The following CUX1 variants were observed in gnomAD, a reference collection of about 807,000 sequenced individuals.
CUX1 encodes the protein protein CASP.
CUX1 carries 31 observed loss-of-function variants against 158.8 expected under a neutral mutation model. The observed-to-expected ratio is 0.20, with a 90% CI of 0.15 to 0.26. The LOEUF (loss-of-function observed/expected upper bound fraction) is 0.26, where lower values mean the gene tolerates loss of function less well. Among genes scored for constraint, CUX1 ranks in the 10% least tolerant of loss-of-function variants. CUX1 has a pLI of 1.00. For synonymous variants in CUX1, 879 were observed against 862.1 expected, an observed-to-expected ratio of 1.02 and a Z score of -0.34; for missense variants, 1,589 against 2,014.6, an observed-to-expected ratio of 0.79 and a Z score of 4.04.
intron 15 of CUX1, among the ~76,000 whole-genome samples, chr7:102,197,794 G>A (rs567962964): frequency 6.6e-6 from 1 of 152,266 alleles, no homozygotes; most frequent in East Asian, 1.9e-4. Context: ...AGAAGAGGGC[G>A]TGTCCCATGG....
At chr7:101,921,185 A>G (rs1804871524) in intron 2 of CUX1, among the ~76,000 whole-genome samples, 1 of 151,992 alleles carries the variant, frequency 6.6e-6, no homozygotes, top group African/African-American at 2.4e-5. Context: ...TGGGGCAGAT[A>G]CCTCCCAAAG....
chr7:102,115,566 T>C (rs908588536), intron 8 of CUX1: 11 of 312,374 alleles, frequency 3.5e-5, no homozygotes, highest in Non-Finnish European at 5.2e-5. Context: ...TTGTGTGGAG[T>C]TGAGTCTGGG....
intron 8 of CUX1, among the ~76,000 whole-genome samples, chr7:102,125,023 C>G (rs1044024940): frequency 1.3e-5 from 2 of 152,180 alleles, no homozygotes; most frequent in African/African-American, 4.8e-5. Context: ...CTCAGGTGAT[C>G]TGCCCACCTC....
chr7:102,128,399 C>T (rs1203988600), intron 8 of CUX1, among the ~76,000 whole-genome samples: 6 of 151,968 alleles, frequency 3.9e-5, no homozygotes, highest in Non-Finnish European at 7.4e-5. Flanking sequence ...CCGGATTGGG[C>T]CGGGTGCCAG....
Position 102,246,669 on chromosome 7 carries a change from A to G in CUX1, c.3888-1743A>G, listed in dbSNP as rs1236133510. 5.9e-5 allele frequency among the ~76,000 whole-genome samples: 9 copies of G among 152,058 alleles called. No individual in the cohort carries two copies. In the East Asian group the frequency reaches 1.7e-3, roughly 30 times the overall value. On this transcript the variant is annotated intron_variant, in intron 23 of 23. Transcript: ENST00000292535. Reference sequence around the variant, plus strand: ...ACTGTAACCTCCACCTCCCAGGTTCAAGAGATTCTCCTGCCTCAGCCTCCT... The same window carrying G: ...ACTGTAACCTCCACCTCCCAGGTTCGAGAGATTCTCCTGCCTCAGCCTCCT...
intron 3 of CUX1, among the ~76,000 whole-genome samples, chr7:102,031,833 T>C (rs1437558187): frequency 1.3e-5 from 2 of 152,076 alleles, no homozygotes; most frequent in Non-Finnish European, 2.9e-5. Flanking sequence ...ATATTGCAAT[T>C]ATATTTACTA....
Position 102,250,445 on chromosome 7 carries a change from C to T in CUX1, c.*1403C>T, listed in dbSNP as rs1351241770. The stretch of plus-strand genomic sequence containing the variant: ...AGACACTCCCCAGGCCTGGGCAGGG[C>T]TTACACGCGCACTCTCTCTCTTCTT... On this transcript the variant is annotated 3_prime_UTR_variant, in exon 24 of 24. Coordinates refer to ENST00000292535, the MANE Select transcript of CUX1 (RefSeq NM_181552.4). 1 of 985,388 alleles carries T rather than the reference C, an allele frequency of 1.0e-6. No individual in the cohort carries two copies. Among genetic ancestry groups the T allele is most frequent in the Non-Finnish European group, 1.2e-6 (1 of 829,978 alleles). 61.0% of individuals were successfully genotyped at this position (985,388 alleles called of 1,614,324 possible).
At chr7:102,040,006 C>T (rs556134728) in intron 3 of CUX1, among the ~76,000 whole-genome samples, 14 of 152,236 alleles carry the variant, frequency 9.2e-5, no homozygotes, top group African/African-American at 2.9e-4. Flanking sequence ...GACGTGCTCT[C>T]GGAGGCTGGG....
chr7:102,269,118 T>TTTTGTTTGTTTG (rs71123029), intron 14 of CUX1, among the ~76,000 whole-genome samples: 1 of 147,892 alleles, frequency 6.8e-6, no homozygotes, highest in African/African-American at 2.5e-5. Flanking sequence ...GTGTGGGTTT[T>TTTTGTTTGTTTG]TTTGTTTGTT....
Position 102,082,547 on chromosome 7 carries a change from G to T in CUX1, c.268+12130G>T, listed in dbSNP as rs1446595970. Among the ~76,000 whole-genome samples, 9 of 147,022 alleles carry T rather than the reference G, an allele frequency of 6.1e-5. 2 individuals carry two copies. The highest frequency in any genetic ancestry group is 4.1e-4 in the Admixed American group (6 of 14,564). ...AAATACATACATAAACACATACAAT[G>T]AAATGCGCTCATTTCAAGTGTGCAG... On this transcript the variant is annotated intron_variant, in intron 4 of 23. Transcript: ENST00000292535.
intron 23 of CUX1, among the ~76,000 whole-genome samples, chr7:102,243,448 G>A (rs1188760205): frequency 3.3e-5 from 5 of 152,002 alleles, no homozygotes; most frequent in African/African-American, 1.2e-4. Flanking sequence ...AAATGAGCAG[G>A]CTCTTGAAAG....
At chr7:102,258,552 G>A (rs1430035844), downstream of CUX1, among the ~76,000 whole-genome samples, 1 of 152,162 alleles carries the variant, frequency 6.6e-6, no homozygotes, top group Non-Finnish European at 1.5e-5. Context: ...CCTCCCTGGC[G>A]TCCGCTTCCT....
intron 2 of CUX1, among the ~76,000 whole-genome samples, chr7:101,965,889 T>G (rs1269255474): frequency 1.4e-5 from 2 of 147,972 alleles, no homozygotes; most frequent in East Asian, 2.0e-4. Context: ...ACTTGGAGAT[T>G]GAAAGAGGTT....
upstream of CUX1, chr7:101,817,236 C>T: frequency 1.0e-6 from 1 of 984,740 alleles, no homozygotes; most frequent in East Asian, 1.2e-4. The surrounding 1 kb of genome is among the most constrained non-coding windows in gnomAD (Gnocchi z 4.1). Context: ...GTCCGAGCCG[C>T]GATCGCCGCG....
intron 3 of CUX1, among the ~76,000 whole-genome samples, chr7:102,033,467 C>T (rs1417129946): frequency 6.6e-6 from 1 of 152,156 alleles, no homozygotes; most frequent in Non-Finnish European, 1.5e-5. Context: ...CCACTGTACT[C>T]ATCAAGACAA....
intron 2 of CUX1, among the ~76,000 whole-genome samples, chr7:101,990,436 G>T (rs1814951207): frequency 6.6e-6 from 1 of 151,956 alleles, no homozygotes; most frequent in Non-Finnish European, 1.5e-5. Flanking sequence ...GAGTGCAGTG[G>T]TGAGATCTTG....
intron 22 of CUX1, among the ~76,000 whole-genome samples, chr7:102,238,293 G>A (rs781827103): frequency 5.9e-5 from 9 of 152,110 alleles, no homozygotes; most frequent in South Asian, 4.1e-4. Context: ...ACCACGGTCC[G>A]CCTGGCAACG....
At chr7:102,132,328 C>CGCGCGCGCACG (rs1379227055) in intron 8 of CUX1, among the ~76,000 whole-genome samples, 2 of 1,362 alleles carry the variant, frequency 1.5e-3, no homozygotes, top group Non-Finnish European at 3.9e-3. Flanking sequence ...CGCGCGCACG[C>CGCGCGCGCACG]CACGCACACA....
At chr7:102,103,197 TC>T in intron 5 of CUX1, among the ~76,000 whole-genome samples, 1 of 152,034 alleles carries the variant, frequency 6.6e-6, no homozygotes, top group Admixed American at 6.6e-5. Context: ...CGGAGCATCT[TC>T]CCCCAGGCTA....
Sources: gnomAD v4.1 joint callset for allele counts (sites outside exome capture counted in the v4.1 genomes callset) on GRCh38, gnomAD v4.1.1 for gene constraint, Gnocchi (gnomAD v3.1) non-coding constraint, MANE v1.5 for transcripts, NCBI Gene and HGNC (gene_info 2026-07-23, HGNC 2026-07-21) for gene names.